The following RBM47 variants were observed in gnomAD, a reference collection of about 807,000 sequenced individuals.
RBM47 encodes RNA-binding protein 47.
A neutral mutation model predicts 47.1 loss-of-function variants in RBM47; 21 were observed. The ratio of observed to expected loss-of-function variants is 0.45; its 90% CI spans 0.32 to 0.64. The LOEUF (loss-of-function observed/expected upper bound fraction) is 0.64, where lower values mean the gene tolerates loss of function less well. RBM47 is among the 30% of genes least tolerant of loss of function. RBM47 has a pLI of 0.05. For missense variants in RBM47, 708 were observed against 870.9 expected, an observed-to-expected ratio of 0.81 and a Z score of 2.35; for synonymous variants, 375 against 361.7, an observed-to-expected ratio of 1.04 and a Z score of -0.42.
chr4:40,486,487 C>G (rs1280877980), intron 2 of RBM47, among the ~76,000 whole-genome samples: 2 of 152,106 alleles, frequency 1.3e-5, no homozygotes, highest in African/African-American at 4.8e-5. Flanking sequence ...ACAGTGAGTC[C>G]TACTATATCA....
chr4:40,491,591 T>C (rs1721874018), intron 2 of RBM47: 1 of 153,222 alleles, frequency 6.5e-6, no homozygotes, highest in African/African-American at 2.4e-5. Flanking sequence ...TATTTGATAA[T>C]AGCCTTGTAT....
Position 40,493,621 on chromosome 4 carries a change from C to T in RBM47, c.-154-26922G>A, listed in dbSNP as rs182891517. 1.4e-3 allele frequency among the ~76,000 whole-genome samples: 219 copies of T among 152,014 alleles called. 1 individual carries two copies. The highest frequency in any genetic ancestry group is 5.2e-3 in the African/African-American group (214 of 41,462). On this transcript the variant is annotated intron_variant, in intron 2 of 6. Transcript: ENST00000295971. ...CAACATGGTGAAACCCTGTCTCTAC[C>T]AAATGTACAAAAATTAGCCAGGCGT...
At chr4:40,449,471 T>A (rs1715070205) in intron 3 of RBM47, among the ~76,000 whole-genome samples, 2 of 152,236 alleles carry the variant, frequency 1.3e-5, no homozygotes, top group South Asian at 4.1e-4. Flanking sequence ...TGCTTGTGTA[T>A]GATAAACAGA....
intron 1 of RBM47, among the ~76,000 whole-genome samples, chr4:40,595,911 C>CAA (rs1393008493): frequency 4.4e-5 from 5 of 112,422 alleles, no homozygotes; most frequent in African/African-American, 1.3e-4. Flanking sequence ...TCCCCCCTGC[C>CAA]AAAAAAAAAA....
chr4:40,512,727 A>G (rs950290406), intron 2 of RBM47, among the ~76,000 whole-genome samples: 143 of 151,632 alleles, frequency 9.4e-4, no homozygotes, highest in Non-Finnish European at 1.5e-3. Context: ...AAAAAAAAAA[A>G]AAAGAAAGAA....
chr4:40,450,905 G>A (rs567439156), intron 3 of RBM47, among the ~76,000 whole-genome samples: 3 of 152,218 alleles, frequency 2.0e-5, no homozygotes, highest in South Asian at 2.1e-4. Flanking sequence ...GCTTTCTGTC[G>A]AGAATTACTG....
intron 6 of RBM47, 105 bp downstream of exon 6, chr4:40,432,544 AAC>A (rs1262534011): frequency 5.2e-6 from 8 of 1,542,376 alleles, no homozygotes; most frequent in Non-Finnish European, 6.1e-6. Context: ...CCATAGCTGT[AAC>A]AGAGAGCCAG....
chr4:40,584,290 G>A (rs79166861), intron 1 of RBM47, among the ~76,000 whole-genome samples: 160 of 152,180 alleles, frequency 1.1e-3, no homozygotes, highest in African/African-American at 3.7e-3. Flanking sequence ...AACTGAACAC[G>A]TCACACATCA....
chr4:40,483,392 C>T (rs1577752646), intron 2 of RBM47, among the ~76,000 whole-genome samples: 1 of 152,174 alleles, frequency 6.6e-6, no homozygotes, highest in South Asian at 2.1e-4. Flanking sequence ...AAGAAAGGGG[C>T]GGGGTAGCGG....
At chr4:40,473,756 C>T (rs139231130) in intron 2 of RBM47, among the ~76,000 whole-genome samples, 176 of 152,238 alleles carry the variant, frequency 1.2e-3, no homozygotes, top group Middle Eastern at 0.01. Context: ...AATGAGTAAA[C>T]AAAACTGCAA....
chr4:40,447,866 C>G (rs568593518), intron 3 of RBM47, among the ~76,000 whole-genome samples: 2 of 152,288 alleles, frequency 1.3e-5, no homozygotes, highest in East Asian at 3.9e-4. Context: ...AAAAAATTAG[C>G]CGGGCATGGT....
chr4:40,430,987 G>A (rs1715900373), intron 6 of RBM47, among the ~76,000 whole-genome samples: 1 of 152,132 alleles, frequency 6.6e-6, no homozygotes, highest in Admixed American at 6.5e-5. Context: ...GGGAGGCTGA[G>A]GTGGGAGGAT....
intron 2 of RBM47, among the ~76,000 whole-genome samples, chr4:40,507,397 T>C (rs1724256959): frequency 6.6e-6 from 1 of 152,132 alleles, no homozygotes; most frequent in Non-Finnish European, 1.5e-5. Context: ...AAACCTGATC[T>C]TAAAAAAAAA....
chr4:40,595,750 C>A (rs4861270), intron 1 of RBM47, among the ~76,000 whole-genome samples: 49,819 of 151,314 alleles, frequency 0.33, 9,220 homozygotes, highest in African/African-American at 0.5. Flanking sequence ...TCTAAAAATA[C>A]AAAAATTAGC....
chr4:40,497,520 G>A (rs1029694864), intron 2 of RBM47, among the ~76,000 whole-genome samples: 1 of 152,078 alleles, frequency 6.6e-6, no homozygotes, highest in African/African-American at 2.4e-5. Flanking sequence ...TCGGGAGGCT[G>A]AGGATGGAGG....
chr4:40,466,773 G>GC (rs1718100419), intron 2 of RBM47, 74 bp from the exon 3 acceptor site: 1 of 65,854 alleles, frequency 1.5e-5, no homozygotes, highest in Non-Finnish European at 2.5e-5. Flanking sequence ...TTAGAAATTG[G>GC]GGGGGGGGGG....
At chr4:40,620,229 C>T (rs1207431407) in intron 1 of RBM47, among the ~76,000 whole-genome samples, 2 of 144,722 alleles carry the variant, frequency 1.4e-5, no homozygotes, top group Admixed American at 7.1e-5. Flanking sequence ...AACTCTGGGC[C>T]GGGCACAGTG....
At position 40,437,073 on chromosome 4, in the gene RBM47, C is replaced by CA. The variant is rs750922605; in HGVS notation, c.1124-427dup. ...TGGGGAGCATGGTGAGACCCTGTCT[C>CA]AAAAAAAAAAAAAAAAAATATATAT... On this transcript the variant is annotated intron_variant, in intron 4 of 6. Transcript: ENST00000295971. 8.2e-3 allele frequency among the ~76,000 whole-genome samples: 174 copies of CA among 21,300 alleles called. 18 individuals are homozygous for CA. In the East Asian group the frequency reaches 0.093, roughly 11 times the overall value. 14.0% of individuals were successfully genotyped at this position (21,300 alleles called of 152,430 possible).
intron 1 of RBM47, among the ~76,000 whole-genome samples, chr4:40,547,130 A>G (rs1458552798): frequency 2.6e-5 from 4 of 152,310 alleles, no homozygotes; most frequent in Middle Eastern, 6.8e-3. Flanking sequence ...GACATGTTAT[A>G]AAACAGGAAT....
Sources: allele counts gnomAD v4.1 joint callset (sites outside exome capture counted in the v4.1 genomes callset), GRCh38; gene constraint gnomAD v4.1.1; transcripts MANE v1.5; gene names NCBI Gene and HGNC (gene_info 2026-07-23, HGNC 2026-07-21).